Variants in MPP7 observed in about 807,000 individuals in gnomAD.
The protein encoded by MPP7 is MAGUK p55 scaffold protein 7.
A neutral mutation model predicts 76.5 loss-of-function variants in MPP7; 60 were observed. That is an observed-to-expected ratio of 0.78 (90% CI 0.64 to 0.97). MPP7 has a LOEUF of 0.97. Ranked by LOEUF, MPP7 falls within the 50% of genes least tolerant of loss-of-function variation. The probability of loss-of-function intolerance (pLI) is 0.00; values close to 1 mark genes in which losing one functional copy is unlikely to be tolerated. For synonymous variants in MPP7, 237 were observed against 244.5 expected (o/e 0.97, Z 0.29); for missense variants, 641 against 694.0 (o/e 0.92, Z 0.86).
At chr10:28,163,167 GT>G (rs1836322005) in intron 3 of MPP7, among the ~76,000 whole-genome samples, 5 of 152,094 alleles carry the variant, frequency 3.3e-5, no homozygotes, top group African/African-American at 1.2e-4. Flanking sequence ...CTGTGATCTG[GT>G]CTCTCTTTCC....
chr10:28,126,132 T>C (rs985367871), intron 6 of MPP7, among the ~76,000 whole-genome samples: 1 of 152,180 alleles, frequency 6.6e-6, no homozygotes, highest in Non-Finnish European at 1.5e-5. Flanking sequence ...ATCAGATACA[T>C]AGCCAATAAT....
At chr10:28,198,156 G>A (rs988435582) in intron 3 of MPP7, among the ~76,000 whole-genome samples, 1 of 152,018 alleles carries the variant, frequency 6.6e-6, no homozygotes, top group African/African-American at 2.4e-5. Context: ...TACTTTAAAG[G>A]GTAGGGGTAA....
intron 1 of MPP7, among the ~76,000 whole-genome samples, chr10:28,245,879 C>T (rs1345893993): frequency 6.8e-6 from 1 of 146,040 alleles, no homozygotes; most frequent in East Asian, 2.3e-4. Context: ...CAACAGCAGA[C>T]TTGATCAAGC....
At chr10:28,275,700 C>T (rs1455713031) in intron 1 of MPP7, among the ~76,000 whole-genome samples, 1 of 151,952 alleles carries the variant, frequency 6.6e-6, no homozygotes, top group Non-Finnish European at 1.5e-5. Context: ...AGCCACCATG[C>T]CCAACCCCTT....
chr10:28,212,361 TG>T (rs1188151307), intron 2 of MPP7, among the ~76,000 whole-genome samples: 1 of 151,896 alleles, frequency 6.6e-6, no homozygotes, highest in Non-Finnish European at 1.5e-5. Flanking sequence ...ATGAGGGACA[TG>T]GGGGAAAAAA....
chr10:28,107,045 G>A (rs1452971422), intron 11 of MPP7, among the ~76,000 whole-genome samples: 2 of 152,138 alleles, frequency 1.3e-5, no homozygotes, highest in African/African-American at 4.8e-5. Context: ...ATAACACTGA[G>A]TACCAAAATC....
chr10:28,312,347 AG>A (rs1186846726), intron 2 of MPP7, among the ~76,000 whole-genome samples: 5 of 152,168 alleles, frequency 3.3e-5, no homozygotes. Flanking sequence ...TGTGTTTTAC[AG>A]AGCACTGATT....
intron 2 of MPP7, among the ~76,000 whole-genome samples, chr10:28,310,286 G>A (rs1471341777): frequency 2.0e-5 from 3 of 152,166 alleles, no homozygotes; most frequent in African/African-American, 2.4e-5. Flanking sequence ...ACAGGTGTGA[G>A]CCACTGTGCC....
At chr10:28,307,232 C>T (rs940367394), upstream of MPP7, among the ~76,000 whole-genome samples, 3 of 152,130 alleles carry the variant, frequency 2.0e-5, no homozygotes, top group Non-Finnish European at 4.4e-5. Context: ...AGGCCAAGGC[C>T]GAAGGCTTGG....
In MPP7 at chr10:28,296,491, A is replaced by G. The variant is rs530510227; in HGVS notation, c.-132+6370T>C. Among the ~76,000 whole-genome samples, 11 of 152,348 alleles carry G rather than the reference A, an allele frequency of 7.2e-5. No homozygotes were observed. The South Asian group carries it at 1.4e-3, about 20-fold the overall frequency. ...CAAAGTCCAAAGTTGTCTTCAAAAT[A>G]TCTTGCAAAATGCAGTCGTACCAGC... On this transcript the variant is annotated intron_variant, in intron 1 of 16. Transcript: ENST00000683449.
chr10:28,284,502 CCTTT>C (rs927652106), intron 1 of MPP7, among the ~76,000 whole-genome samples: 1 of 152,170 alleles, frequency 6.6e-6, no homozygotes, highest in Non-Finnish European at 1.5e-5. Context: ...GCCTTCCCTT[CCTTT>C]CTCCTCTCAC....
chr10:28,172,799 T>G (rs941331000), intron 3 of MPP7, among the ~76,000 whole-genome samples: 1 of 152,230 alleles, frequency 6.6e-6, no homozygotes, highest in Non-Finnish European at 1.5e-5. Context: ...ATTCTCAATG[T>G]TTTTCTTTCA....
At chr10:28,150,391 C>T (rs1382435557) in intron 3 of MPP7, among the ~76,000 whole-genome samples, 1 of 152,140 alleles carries the variant, frequency 6.6e-6, no homozygotes, top group Non-Finnish European at 1.5e-5. Context: ...TCTATTATAT[C>T]TAAAATCTAT....
intron 1 of MPP7, among the ~76,000 whole-genome samples, chr10:28,268,813 G>A (rs1350195778): frequency 6.6e-6 from 1 of 151,562 alleles, no homozygotes; most frequent in Non-Finnish European, 1.5e-5. Context: ...CAGCTACTCG[G>A]GAGGCTGAGG....
intron 15 of MPP7, among the ~76,000 whole-genome samples, chr10:28,057,254 T>C (rs1851590528): frequency 6.6e-6 from 1 of 152,196 alleles, no homozygotes; most frequent in African/African-American, 2.4e-5. Flanking sequence ...GTGCCTGATA[T>C]GGTTTGGATC....
chr10:28,207,401 A>C (rs966443520), intron 2 of MPP7, among the ~76,000 whole-genome samples: 1 of 152,158 alleles, frequency 6.6e-6, no homozygotes, highest in African/African-American at 2.4e-5. Flanking sequence ...AAGGTCAGAA[A>C]AGGTTATATT....
intron 2 of MPP7, among the ~76,000 whole-genome samples, chr10:28,311,112 A>G (rs764057807): frequency 2.4e-4 from 36 of 152,220 alleles, no homozygotes; most frequent in Non-Finnish European, 3.8e-4. Flanking sequence ...CTCATTTTAA[A>G]ATGAAAGAGT....
chr10:28,141,335 T>A (rs549092977), intron 5 of MPP7, among the ~76,000 whole-genome samples: 1 of 152,226 alleles, frequency 6.6e-6, no homozygotes, highest in East Asian at 1.9e-4. Flanking sequence ...ATATCCTGTT[T>A]TTACTACAAG....
At chr10:28,104,434 C>A (rs975202192) in intron 11 of MPP7, among the ~76,000 whole-genome samples, 2 of 152,114 alleles carry the variant, frequency 1.3e-5, no homozygotes, top group Admixed American at 6.6e-5. Flanking sequence ...AATAGTTTTG[C>A]CATTTATGTT....
Sources: allele counts gnomAD v4.1 joint callset (sites outside exome capture counted in the v4.1 genomes callset), GRCh38; gene constraint gnomAD v4.1.1; transcripts MANE v1.5; gene names NCBI Gene and HGNC (gene_info 2026-07-23, HGNC 2026-07-21).